Variants in SETD2 observed in about 807,000 individuals in gnomAD.
SETD2 encodes the protein histone-lysine N-methyltransferase SETD2.
Under a neutral mutation model 242.1 loss-of-function variants are expected in SETD2, and 31 were observed. That is an observed-to-expected ratio of 0.13 (90% CI 0.10 to 0.17). The LOEUF (loss-of-function observed/expected upper bound fraction) is 0.17. SETD2 is among the 10% of genes least tolerant of loss of function. SETD2 has a pLI of 1.00. For synonymous variants in SETD2, 1,006 were observed against 1,066.5 expected (o/e 0.94, Z 1.11); for missense variants, 2,481 against 3,046.3 (o/e 0.81, Z 4.37).
intron 9 of SETD2, among the ~76,000 whole-genome samples, chr3:47,097,397 T>TA: frequency 6.6e-6 from 1 of 152,336 alleles, no homozygotes; most frequent in Admixed American, 6.5e-5. Context: ...GTCCCTTTAG[T>TA]AACAGGATAT....
At chr3:47,087,050 AT>A (rs2107648042) in intron 10 of SETD2, among the ~76,000 whole-genome samples, 1 of 149,310 alleles carries the variant, frequency 6.7e-6, no homozygotes, top group East Asian at 2.0e-4. Flanking sequence ...AAAAAAAAAA[AT>A]CATTTTGTGT....
intron 11 of SETD2, among the ~76,000 whole-genome samples, chr3:47,085,081 G>C (rs1000706721): frequency 2.6e-5 from 4 of 152,106 alleles, no homozygotes; most frequent in Admixed American, 2.6e-4. Flanking sequence ...ATTTCTGCAA[G>C]AGTAGTGCAG....
intron 16 of SETD2, 96 bp downstream of exon 16, chr3:47,046,391 C>CG: frequency 8.5e-7 from 1 of 1,179,990 alleles, no homozygotes; most frequent in Non-Finnish European, 1.1e-6. Context: ...AAAAAAAACC[C>CG]AAAAATAAAA....
At position 47,086,329 on chromosome 3, in the gene SETD2, G is replaced by T. The variant is rs2107646473; in HGVS notation, c.5278-15C>A. ...GAGTGTGTGTTCTTTCATGGGGGAA[G>T]GGAGACACGATGCAGAGCATTGGGA... On this transcript the variant is annotated splice_polypyrimidine_tract_variant and intron_variant, in intron 10 of 20. Coordinates refer to ENST00000409792, the MANE Select transcript of SETD2 (RefSeq NM_014159.7). 1 of 1,609,846 alleles carries T rather than the reference G, an allele frequency of 6.2e-7. No homozygotes were observed.
At chr3:47,159,866 T>C (rs1697436221) in intron 1 of SETD2, among the ~76,000 whole-genome samples, 1 of 151,520 alleles carries the variant, frequency 6.6e-6, no homozygotes, top group South Asian at 2.1e-4. Flanking sequence ...TCCCAGCTAT[T>C]CAGGAGGCTG....
chr3:47,116,563 A>C, intron 4 of SETD2, 60 bp downstream of exon 4: 1 of 1,519,486 alleles, frequency 6.6e-7, no homozygotes, highest in Non-Finnish European at 8.9e-7. Flanking sequence ...TTGATAATTC[A>C]ATATTTAGAG....
At chr3:47,098,508 T>C (rs2042090232) in intron 8 of SETD2, 1 of 153,558 alleles carries the variant, frequency 6.5e-6, no homozygotes, top group Non-Finnish European at 1.4e-5. Context: ...ACAGGATACT[T>C]AAAAGGAAAC....
intron 15 of SETD2, chr3:47,047,152 A>AT (rs1479799114): frequency 2.0e-5 from 3 of 152,502 alleles, no homozygotes; most frequent in Non-Finnish European, 4.4e-5. Flanking sequence ...GTCTTCTATG[A>AT]TAAAACCCCT....
intron 3 of SETD2, chr3:47,119,584 T>A (rs2042991538): frequency 7.5e-6 from 2 of 267,376 alleles, no homozygotes; most frequent in Non-Finnish European, 1.5e-5. Context: ...TATCAAGGGT[T>A]TTCACTTTTG....
At chr3:47,079,204 T>C (rs547567253) in intron 12 of SETD2, among the ~76,000 whole-genome samples, 45 of 152,282 alleles carry the variant, frequency 3.0e-4, no homozygotes, top group African/African-American at 1.1e-3. Context: ...AAGTTTAAAG[T>C]ATTAAGAAGG....
Position 47,019,849 on chromosome 3 carries a change from G to A in SETD2, c.7351-9C>T. 1 of 1,612,852 alleles carries A rather than the reference G, an allele frequency of 6.2e-7. No individual in the cohort carries two copies. The highest frequency in any genetic ancestry group is 8.5e-7 in the Non-Finnish European group (1 of 1,178,956). On this transcript the variant is annotated splice_polypyrimidine_tract_variant and intron_variant, in intron 18 of 20. Transcript: ENST00000409792. ...TTGGGCTTTTTCGAGGCCTAAAAAT[G>A]GAGGAGAAAACACAGTGGTGCTGGC...
intron 12 of SETD2, among the ~76,000 whole-genome samples, chr3:47,077,957 T>C (rs1035603548): frequency 5.3e-5 from 8 of 152,050 alleles, no homozygotes; most frequent in East Asian, 3.8e-4. Flanking sequence ...ATGAGTAAAA[T>C]AGTATAAATC....
intron 13 of SETD2, among the ~76,000 whole-genome samples, chr3:47,066,075 T>C (rs1309648213): frequency 1.3e-5 from 2 of 152,194 alleles, no homozygotes. Flanking sequence ...CTAATCCCTC[T>C]TCTTCCTCGT....
At position 47,039,455 on chromosome 3, in the gene SETD2, C is replaced by T. The variant is rs547296501; in HGVS notation, c.7239-1678G>A. On this transcript the variant is annotated intron_variant, in intron 17 of 20. Coordinates refer to ENST00000409792, the MANE Select transcript of SETD2 (RefSeq NM_014159.7). ...GTTTCAAACTCCTGACCTCATGATC[C>T]GCCCACCTCAGCCTCCCAAAGTGCT... 2.6e-5 allele frequency among the ~76,000 whole-genome samples: 4 copies of T among 152,068 alleles called. No individual in the cohort carries two copies. In the East Asian group the frequency reaches 5.8e-4, roughly 22 times the overall value.
chr3:47,164,427 C>T (rs1317315819), upstream of SETD2: 1 of 152,768 alleles, frequency 6.5e-6, no homozygotes, highest in African/African-American at 2.4e-5. The surrounding 1 kb of genome is among the most constrained non-coding windows in gnomAD (Gnocchi z 5.4). Flanking sequence ...ACCCGGCCCG[C>T]TACCGTGTCA....
intron 8 of SETD2, among the ~76,000 whole-genome samples, chr3:47,100,718 C>G (rs1301116045): frequency 6.6e-6 from 1 of 151,914 alleles, no homozygotes; most frequent in African/African-American, 2.4e-5. Flanking sequence ...GGAAACAGAA[C>G]TAGGTAACCA....
intron 15 of SETD2, 90 bp from the exon 16 acceptor site, chr3:47,046,711 T>C (rs1485646036): frequency 4.5e-6 from 5 of 1,110,242 alleles, no homozygotes; most frequent in Middle Eastern, 3.1e-4. Context: ...CTTAAAGATA[T>C]ACCCATAACA....
intron 18 of SETD2, among the ~76,000 whole-genome samples, chr3:47,035,587 T>C (rs141824235): frequency 1.3e-3 from 193 of 152,292 alleles, no homozygotes; most frequent in African/African-American, 4.5e-3. Flanking sequence ...GTGAACTTCA[T>C]GCCCATTCCT....
intron 17 of SETD2, among the ~76,000 whole-genome samples, chr3:47,041,158 T>A (rs2039260104): frequency 6.6e-6 from 1 of 152,186 alleles, no homozygotes; most frequent in East Asian, 1.9e-4. Context: ...CTGTAAATGA[T>A]TAGATGATAA....
Sources: allele counts gnomAD v4.1 joint callset (sites outside exome capture counted in the v4.1 genomes callset), GRCh38; gene constraint gnomAD v4.1.1; non-coding constraint Gnocchi (gnomAD v3.1); transcripts MANE v1.5; gene names NCBI Gene and HGNC (gene_info 2026-07-23, HGNC 2026-07-21).